The following RGS9 variants were observed in gnomAD, a reference collection of about 807,000 sequenced individuals.
The protein encoded by RGS9 is regulator of G protein signaling 9, also known as regulator of G-protein signalling 9.
In RGS9, 78 loss-of-function variants were observed where a neutral mutation model predicts 102.0. The observed-to-expected ratio is 0.76, with a 90% confidence interval of 0.64 to 0.92. The LOEUF is 0.92. Ranked by LOEUF, RGS9 falls within the 40% of genes least tolerant of loss-of-function variation. The pLI, the probability that RGS9 is intolerant of heterozygous loss-of-function variation, is 0.00. For missense variants in RGS9, 833 were observed against 866.1 expected, an observed-to-expected ratio of 0.96 and a Z score of 0.48; for synonymous variants, 353 against 318.6, an observed-to-expected ratio of 1.11 and a Z score of -1.15.
chr17:65,211,640 G>A (rs768750611), intron 17 of RGS9, among the ~76,000 whole-genome samples: 60 of 152,140 alleles, frequency 3.9e-4, no homozygotes, highest in Non-Finnish European at 7.6e-4. Context: ...GGTCATTCTC[G>A]AAGTTAGGCT....
chr17:65,160,462 C>G (rs968124502), intron 4 of RGS9, 74 bp from the exon 5 acceptor site: 5 of 1,597,932 alleles, frequency 3.1e-6, no homozygotes, highest in Non-Finnish European at 4.3e-6. Flanking sequence ...GGTTGGATTT[C>G]TTTAGTCACA....
intron 9 of RGS9, among the ~76,000 whole-genome samples, chr17:65,184,192 C>CT (rs199586527): frequency 1.7e-4 from 26 of 151,400 alleles, no homozygotes; most frequent in African/African-American, 5.6e-4. Context: ...ATTGTGCGTA[C>CT]TTTTTTTTTG....
chr17:65,168,505 G>A (rs1911283892), intron 8 of RGS9, among the ~76,000 whole-genome samples: 2 of 151,808 alleles, frequency 1.3e-5, no homozygotes, highest in African/African-American at 4.8e-5. Context: ...TGTTAGGTAG[G>A]GAGGGACCTG....
chr17:65,186,701 C>T (rs1280997735), intron 9 of RGS9, among the ~76,000 whole-genome samples: 1 of 152,170 alleles, frequency 6.6e-6, no homozygotes, highest in Non-Finnish European at 1.5e-5. Context: ...CATCCAATTA[C>T]TGACCAGGAG....
intron 8 of RGS9, among the ~76,000 whole-genome samples, chr17:65,170,799 G>T (rs1480105931): frequency 6.6e-6 from 1 of 152,172 alleles, no homozygotes; most frequent in African/African-American, 2.4e-5. Context: ...TTTCATGGCT[G>T]CTCCCTGAGT....
intron 1 of RGS9, among the ~76,000 whole-genome samples, chr17:65,142,148 G>A (rs1475950082): frequency 6.6e-6 from 1 of 152,196 alleles, no homozygotes; most frequent in Non-Finnish European, 1.5e-5. Context: ...GGAGGCTGAG[G>A]CAGGAGAATT....
chr17:65,177,728 T>G lies in RGS9; in HGVS notation c.583-4T>G, dbSNP rs1567874083. 1 of 1,613,842 alleles carries G rather than the reference T, an allele frequency of 6.2e-7. No homozygotes were observed. Among genetic ancestry groups the G allele is most frequent in the East Asian group, 2.2e-5 (1 of 44,892 alleles). ...TGACCTTATGTTGTTTTTATTCCAT[T>G]TAGCCTGGAATGGACAATGTGCTGG... is the stretch of plus-strand genomic sequence containing the variant. On this transcript the variant is annotated splice_polypyrimidine_tract_variant and splice_region_variant and intron_variant, in intron 8 of 18. Coordinates refer to ENST00000262406, the MANE Select transcript of RGS9 (RefSeq NM_003835.4).
In RGS9 at chr17:65,208,014, G is replaced by A. The variant is rs767151604; in HGVS notation, c.1289+7G>A. 6.9e-6 allele frequency: 11 copies of A among 1,595,454 alleles called. No homozygotes were observed. The highest frequency in any genetic ancestry group is 6.7e-5 in the African/African-American group (5 of 74,466). On this transcript the variant is annotated splice_region_variant and intron_variant, in intron 16 of 18. Coordinates refer to ENST00000262406, the MANE Select transcript of RGS9 (RefSeq NM_003835.4). ...AGGAAACCACCAAGAAAAGGCAAGT[G>A]GAATTATCTGTAATTGCTGGCTGCC...
At chr17:65,214,638 C>T (rs1483267656) in intron 17 of RGS9, among the ~76,000 whole-genome samples, 1 of 152,246 alleles carries the variant, frequency 6.6e-6, no homozygotes, top group Non-Finnish European at 1.5e-5. Context: ...GGCCTCTAGG[C>T]AGCTTATTGG....
At chr17:65,161,376 C>T (rs542434890) in intron 6 of RGS9, among the ~76,000 whole-genome samples, 3 of 152,254 alleles carry the variant, frequency 2.0e-5, no homozygotes, top group South Asian at 2.1e-4. Context: ...CTTAGCCTCC[C>T]GAGTAGCTGG....
At chr17:65,145,771 G>T (rs759686426) in intron 1 of RGS9, among the ~76,000 whole-genome samples, 1 of 152,044 alleles carries the variant, frequency 6.6e-6, no homozygotes. Context: ...TTCAATGTAC[G>T]AATTTGTAGG....
intron 17 of RGS9, among the ~76,000 whole-genome samples, chr17:65,218,021 G>C (rs1040198813): frequency 1.3e-5 from 2 of 152,236 alleles, no homozygotes; most frequent in Non-Finnish European, 2.9e-5. Flanking sequence ...AACCAAACAA[G>C]TGCTTGACAA....
chr17:65,176,864 G>T (rs1364465453), intron 8 of RGS9, among the ~76,000 whole-genome samples: 1 of 149,078 alleles, frequency 6.7e-6, no homozygotes, highest in African/African-American at 2.5e-5. Flanking sequence ...CCACTATGGT[G>T]CTGAGTTTGC....
intron 8 of RGS9, 80 bp from the exon 9 acceptor site, chr17:65,177,652 C>T (rs1911696727): frequency 1.5e-6 from 2 of 1,335,660 alleles, no homozygotes; most frequent in Non-Finnish European, 1.1e-6. Context: ...TCACAATTGG[C>T]AGATTAACCA....
At position 65,183,061 on chromosome 17, in the gene RGS9, A is replaced by AATCTATCTATCT. The variant is rs68149271; in HGVS notation, c.654+5296_654+5307dup. On this transcript the variant is annotated intron_variant, in intron 9 of 18. Coordinates refer to ENST00000262406, the MANE Select transcript of RGS9 (RefSeq NM_003835.4). ...CAGCTGCACCCCCTTAATTTTTTTA[A>AATCTATCTATCT]ATCTATCTATCTATCTATCTATCTA... 4.3e-3 allele frequency among the ~76,000 whole-genome samples: 497 copies of AATCTATCTATCT among 114,402 alleles called. 8 individuals carry two copies. Among genetic ancestry groups the AATCTATCTATCT allele is most frequent in the East Asian group, 0.017 (84 of 4,830 alleles). 75.1% of individuals were successfully genotyped at this position (114,402 alleles called of 152,430 possible).
chr17:65,203,674 G>C (rs561834033), intron 14 of RGS9, among the ~76,000 whole-genome samples: 2 of 152,176 alleles, frequency 1.3e-5, no homozygotes, highest in Admixed American at 6.5e-5. Context: ...TCTGCCCAGC[G>C]GGTCAGACCT....
chr17:65,153,430 G>C lies in RGS9; in HGVS notation c.66G>C (p.Ala22=). 1 of 1,613,868 alleles carries C rather than the reference G, an allele frequency of 6.2e-7. No individual in the cohort carries two copies. The highest frequency in any genetic ancestry group is 8.5e-7 in the Non-Finnish European group (1 of 1,179,760). The change falls in exon 2 of 19, where the codon GCG becomes GCC. Residue 22 remains alanine, a synonymous_variant. Transcript: ENST00000262406. The part of the protein sequence containing the change: ...PRMAFLQKIE[A]LVKDMQNPET... ...CCTGTTCTGTCTTGCAGATTGAAGC[G>C]CTCGTGAAGGACATGCAGAACCCAG...
intron 6 of RGS9, 149 bp from the exon 7 acceptor site, chr17:65,162,864 C>T: frequency 1.5e-6 from 1 of 651,906 alleles, no homozygotes; most frequent in South Asian, 1.7e-5. Flanking sequence ...TGAGTGAACA[C>T]CATGGTAAAA....
intron 1 of RGS9, among the ~76,000 whole-genome samples, chr17:65,144,625 G>C (rs1351541027): frequency 6.6e-6 from 1 of 152,214 alleles, no homozygotes; most frequent in Non-Finnish European, 1.5e-5. Context: ...TTGGGAGTGA[G>C]AGTGTTGGCC....
Sources: allele counts gnomAD v4.1 joint callset (sites outside exome capture counted in the v4.1 genomes callset), GRCh38; gene constraint gnomAD v4.1.1; transcripts MANE v1.5; gene names NCBI Gene and HGNC (gene_info 2026-07-23, HGNC 2026-07-21).